The following GALNTL6 variants were observed in gnomAD, a reference collection of about 807,000 sequenced individuals.
GALNTL6 encodes the protein polypeptide N-acetylgalactosaminyltransferase like 6.
Under a neutral mutation model 73.7 loss-of-function variants are expected in GALNTL6, and 46 were observed. That is an observed-to-expected ratio of 0.62 (90% CI 0.49 to 0.80). The LOEUF is 0.80. Among genes scored for constraint, GALNTL6 ranks in the 30% least tolerant of loss-of-function variants. GALNTL6 has a pLI of 0.00. For synonymous variants in GALNTL6, 259 were observed against 263.7 expected (o/e 0.98, Z 0.17); for missense variants, 604 against 755.0 (o/e 0.80, Z 2.34).
At chr4:172,313,432 C>T (rs1332004308) in intron 4 of GALNTL6, among the ~76,000 whole-genome samples, 2 of 151,834 alleles carry the variant, frequency 1.3e-5, no homozygotes, top group African/African-American at 2.4e-5. Context: ...CCCACCCCAA[C>T]ACTTCTAATC....
chr4:172,836,155 G>A (rs1382128465), intron 7 of GALNTL6, among the ~76,000 whole-genome samples: 1 of 152,192 alleles, frequency 6.6e-6, no homozygotes, highest in African/African-American at 2.4e-5. Context: ...ACAGCAGAAG[G>A]CTGAAGCAGC....
chr4:172,745,840 C>T (rs1483553649), intron 5 of GALNTL6, among the ~76,000 whole-genome samples: 9 of 151,970 alleles, frequency 5.9e-5, no homozygotes, highest in Admixed American at 3.9e-4. Flanking sequence ...ACAACTTAGG[C>T]GAGGGAGCTG....
At chr4:171,829,849 A>G (rs1358292494) in intron 2 of GALNTL6, among the ~76,000 whole-genome samples, 2 of 152,090 alleles carry the variant, frequency 1.3e-5, no homozygotes, top group Admixed American at 6.6e-5. Flanking sequence ...TGTGAGTATT[A>G]TCTTATTTGG....
intron 2 of GALNTL6, among the ~76,000 whole-genome samples, chr4:172,045,049 A>G (rs1015991445): frequency 1.3e-5 from 2 of 152,034 alleles, no homozygotes; most frequent in Non-Finnish European, 2.9e-5. Flanking sequence ...ATTCTTATAT[A>G]ATTTTGGCTT....
chr4:171,977,482 G>GTGTA (rs1327492139), intron 2 of GALNTL6, among the ~76,000 whole-genome samples: 1 of 152,154 alleles, frequency 6.6e-6, no homozygotes, highest in Admixed American at 6.5e-5. Flanking sequence ...ACTCCTTGGG[G>GTGTA]TGTAGATGGC....
intron 2 of GALNTL6, among the ~76,000 whole-genome samples, chr4:172,186,455 A>G (rs1426809332): frequency 1.3e-5 from 2 of 152,168 alleles, no homozygotes; most frequent in African/African-American, 4.8e-5. Flanking sequence ...TTGGAAATCA[A>G]ACAACTATTT....
At chr4:172,463,519 C>T (rs1434410190) in intron 5 of GALNTL6, among the ~76,000 whole-genome samples, 2 of 152,162 alleles carry the variant, frequency 1.3e-5, no homozygotes, top group African/African-American at 2.4e-5. Flanking sequence ...CTATTTCATT[C>T]ATCTCTTCAT....
intron 4 of GALNTL6, among the ~76,000 whole-genome samples, chr4:172,343,995 A>T (rs1741657277): frequency 6.6e-6 from 1 of 152,186 alleles, no homozygotes; most frequent in Admixed American, 6.5e-5. Context: ...GCAAATGCTT[A>T]TCTGAAAATA....
At chr4:172,596,270 A>G (rs941228484) in intron 5 of GALNTL6, among the ~76,000 whole-genome samples, 1 of 152,020 alleles carries the variant, frequency 6.6e-6, no homozygotes, top group African/African-American at 2.4e-5. Flanking sequence ...AGCCTAGGCA[A>G]CATGGTGAAA....
intron 2 of GALNTL6, among the ~76,000 whole-genome samples, chr4:172,033,251 A>T (rs950181293): frequency 3.9e-4 from 59 of 152,070 alleles, no homozygotes; most frequent in African/African-American, 1.4e-3. Flanking sequence ...AACATTCACT[A>T]TATGTAACCT....
chr4:171,871,994 C>A (rs181473502), intron 2 of GALNTL6, among the ~76,000 whole-genome samples: 43 of 152,184 alleles, frequency 2.8e-4, no homozygotes, highest in African/African-American at 1.0e-3. Context: ...TTGTAGATTA[C>A]TTTGAAATAA....
chr4:172,957,912 A>G (rs1335388970), intron 10 of GALNTL6, among the ~76,000 whole-genome samples: 1 of 152,164 alleles, frequency 6.6e-6, no homozygotes, highest in African/African-American at 2.4e-5. Context: ...ACTGCCATCA[A>G]TAAACCAAGT....
At position 171,839,238 on chromosome 4, in the gene GALNTL6, T is replaced by C. The variant is rs1482816055; in HGVS notation, c.138+24520T>C. On this transcript the variant is annotated intron_variant, in intron 2 of 12. Transcript: ENST00000506823. ...CCAATACTGCATGCTATTAGTGCTG[T>C]TAAAATCTGCTTTCTCAGAATTCAT... Among the ~76,000 whole-genome samples, 3 of 152,150 alleles carry C rather than the reference T, an allele frequency of 2.0e-5. No individual in the cohort carries two copies. The East Asian group carries it at 5.8e-4, about 29-fold the overall frequency.
intron 5 of GALNTL6, among the ~76,000 whole-genome samples, chr4:172,653,478 C>A (rs1299838663): frequency 6.6e-6 from 1 of 152,180 alleles, no homozygotes; most frequent in East Asian, 1.9e-4. Flanking sequence ...GCCTCGGCCT[C>A]CCAAAGTGCT....
At chr4:171,942,111 C>T (rs971044694) in intron 2 of GALNTL6, among the ~76,000 whole-genome samples, 2 of 151,996 alleles carry the variant, frequency 1.3e-5, no homozygotes, top group African/African-American at 2.4e-5. Context: ...TAAAAATAGG[C>T]TGCGTTCGGT....
chr4:172,477,994 A>C lies in GALNTL6; in HGVS notation c.553+129305A>C, dbSNP rs369062861. Among the ~76,000 whole-genome samples the C allele has an allele frequency of 6.8e-4, 103 of 152,276 alleles. 2 individuals are homozygous for C. The South Asian group carries it at 0.021, about 31-fold the overall frequency. ...ATCAGCCCAGAAGATAATGACCTGGAGGTAGTGGCTGCCTGTTGGGTAGAG... is the reference window on the plus strand; with the variant it reads ...ATCAGCCCAGAAGATAATGACCTGGCGGTAGTGGCTGCCTGTTGGGTAGAG... On this transcript the variant is annotated intron_variant, in intron 5 of 12. Coordinates refer to ENST00000506823, the MANE Select transcript of GALNTL6 (RefSeq NM_001034845.3).
chr4:172,156,187 T>G (rs1734254519), intron 2 of GALNTL6, among the ~76,000 whole-genome samples: 1 of 152,038 alleles, frequency 6.6e-6, no homozygotes, highest in Non-Finnish European at 1.5e-5. Flanking sequence ...GACTGCTACG[T>G]AGTACCTTGA....
chr4:172,311,634 C>A lies in GALNTL6; in HGVS notation c.268C>A (p.Pro90Thr). The A allele has an allele frequency of 6.2e-7, 1 of 1,608,106 alleles. No individual in the cohort carries two copies. Among genetic ancestry groups the A allele is most frequent in the Non-Finnish European group, 8.5e-7 (1 of 1,177,246 alleles). The stretch of plus-strand genomic sequence containing the variant: ...GCTAGGGAAAGGTGAACATGGGAAA[C>A]CTTACCCCCTTACTGAAGAGGACCA... ...MRSGKGEHGK[P>T]YPLTEEDHDD... is the part of the protein sequence containing the mutation. The change falls in exon 4 of 13, where the codon CCT becomes ACT. Residue 90 changes from proline to threonine, a missense_variant. Pro to Thr is a conservative substitution (Grantham distance 38, BLOSUM62 -1). This residue lies in a region of GALNTL6 where 141 missense variants were observed against 156.6 expected (regional missense o/e 0.90). Coordinates refer to ENST00000506823, the MANE Select transcript of GALNTL6 (RefSeq NM_001034845.3).
chr4:172,422,539 T>A (rs988622488), intron 5 of GALNTL6, among the ~76,000 whole-genome samples: 1 of 152,008 alleles, frequency 6.6e-6, no homozygotes, highest in Non-Finnish European at 1.5e-5. Flanking sequence ...ACTTCGTTCT[T>A]GATGTCTTTT....
Sources: gnomAD v4.1 joint callset for allele counts (sites outside exome capture counted in the v4.1 genomes callset) on GRCh38, gnomAD v4.1.1 for gene constraint, gnomAD v4.1.1 regional missense constraint, MANE v1.5 for transcripts, NCBI Gene and HGNC (gene_info 2026-07-23, HGNC 2026-07-21) for gene names.